Variants in PDGFD observed in about 807,000 individuals in gnomAD.
PDGFD encodes platelet-derived growth factor D.
Under a neutral mutation model 44.7 loss-of-function variants are expected in PDGFD, and 30 were observed. The observed-to-expected ratio is 0.67, with a 90% confidence interval of 0.50 to 0.91. PDGFD has a LOEUF of 0.91. Among genes scored for constraint, PDGFD ranks in the 40% least tolerant of loss-of-function variants. PDGFD has a pLI of 0.00. For synonymous variants in PDGFD, 173 were observed against 168.4 expected (o/e 1.03, Z -0.21); for missense variants, 445 against 457.8 (o/e 0.97, Z 0.25).
rs971821478 is a variant in PDGFD, at chr11:104,133,302, A to G, written c.124+30502T>C. Among the ~76,000 whole-genome samples the G allele has an allele frequency of 2.6e-5, 4 of 152,312 alleles. No homozygotes were observed. In the South Asian group the frequency reaches 8.3e-4, roughly 32 times the overall value. ...CACAAATAACAAATTTAAAATTAGG[A>G]ACAATTTTCATCAAGAAGAGTTTGG... On this transcript the variant is annotated intron_variant, in intron 1 of 6. Transcript: ENST00000393158.
chr11:104,063,308 G>A (rs572091234), intron 1 of PDGFD, among the ~76,000 whole-genome samples: 5 of 151,210 alleles, frequency 3.3e-5, no homozygotes, highest in African/African-American at 1.2e-4. Context: ...TGTTTTAGAC[G>A]TGTGTGTGTG....
At chr11:103,971,819 ACTACATC>A (rs1859106921) in intron 3 of PDGFD, among the ~76,000 whole-genome samples, 2 of 152,200 alleles carry the variant, frequency 1.3e-5, no homozygotes, top group African/African-American at 4.8e-5. Flanking sequence ...TGTAACATTG[ACTACATC>A]CTCAGGTACT....
intron 5 of PDGFD, among the ~76,000 whole-genome samples, chr11:103,935,115 AC>A (rs1456263928): frequency 5.9e-5 from 9 of 152,178 alleles, no homozygotes; most frequent in African/African-American, 2.2e-4. Context: ...GCTAAAAGTT[AC>A]CTATGGCTTT....
chr11:104,018,992 C>T (rs1228932069), intron 1 of PDGFD, among the ~76,000 whole-genome samples: 1 of 152,152 alleles, frequency 6.6e-6, no homozygotes, highest in Non-Finnish European at 1.5e-5. Context: ...TTGGGACCTC[C>T]TTAGAATGCA....
rs567492462 is a variant in PDGFD at position 103,943,028 on chromosome 11, TG to T, written c.772+423del. ...CGGGACCAAACCCTTCTTAGTCTGA[TG>T]CAAAAAAAACACAGTTTGGGCAAAA... is the stretch of plus-strand genomic sequence containing the variant. On this transcript the variant is annotated intron_variant, in intron 5 of 6. Coordinates refer to ENST00000393158, the MANE Select transcript of PDGFD (RefSeq NM_025208.5). Among the ~76,000 whole-genome samples the T allele has an allele frequency of 1.7e-4, 26 of 152,170 alleles. 1 individual carries two copies. Among genetic ancestry groups the T allele is most frequent in the Middle Eastern group, 3.4e-3 (1 of 294 alleles).
At chr11:104,119,634 A>G (rs1390000318) in intron 1 of PDGFD, among the ~76,000 whole-genome samples, 1 of 54,586 alleles carries the variant, frequency 1.8e-5, no homozygotes, top group East Asian at 4.6e-4. Context: ...TTATATTAAT[A>G]TATAATATAT....
intron 4 of PDGFD, 46 bp downstream of exon 4, chr11:103,947,616 G>C (rs11226083): frequency 0.1 from 153,475 of 1,492,508 alleles, 10,361 homozygotes; most frequent in African/African-American, 0.31. Context: ...GACCTTAGCT[G>C]TTCCATCCGT....
chr11:104,137,126 C>G (rs1014016323), intron 1 of PDGFD, among the ~76,000 whole-genome samples: 11 of 152,100 alleles, frequency 7.2e-5, no homozygotes, highest in Admixed American at 7.2e-4. Context: ...TTTGTGATAC[C>G]ACATGGCCTG....
At chr11:104,111,229 T>C (rs1304463509) in intron 1 of PDGFD, among the ~76,000 whole-genome samples, 1 of 151,730 alleles carries the variant, frequency 6.6e-6, no homozygotes, top group Non-Finnish European at 1.5e-5. Flanking sequence ...GGAACAAATC[T>C]ATCTTATATG....
intron 1 of PDGFD, among the ~76,000 whole-genome samples, chr11:104,161,527 T>C (rs1043040431): frequency 2.0e-5 from 3 of 152,254 alleles, no homozygotes; most frequent in African/African-American, 7.2e-5. Flanking sequence ...TCTATGCCAA[T>C]GTTTCTCAAC....
chr11:104,103,032 ACAAACCTG>A lies in PDGFD; in HGVS notation c.124+60764_124+60771del, dbSNP rs372436422. On this transcript the variant is annotated intron_variant, in intron 1 of 6. Transcript: ENST00000393158. ...AACAAGGCACATGTATACATATGTA[ACAAACCTG>A]CACGTTGTGCACATGTACCCTACAC... 2.2e-4 allele frequency among the ~76,000 whole-genome samples: 34 copies of A among 152,278 alleles called. No homozygotes were observed. The East Asian group carries it at 3.7e-3, about 16-fold the overall frequency.
In PDGFD at chr11:104,157,914, T is replaced by G. The variant is rs145097777; in HGVS notation, c.124+5890A>C. ...AAACAACATGCTCTACAGGATAAAT[T>G]TATACAATCTTTATTTGTCAGTTAA... On this transcript the variant is annotated intron_variant, in intron 1 of 6. Transcript: ENST00000393158. Among the ~76,000 whole-genome samples, 20 of 145,650 alleles carry G rather than the reference T, an allele frequency of 1.4e-4. No homozygotes were observed. The East Asian group carries it at 4.0e-3, about 29-fold the overall frequency.
At chr11:104,102,840 A>C (rs899602088) in intron 1 of PDGFD, among the ~76,000 whole-genome samples, 4 of 152,110 alleles carry the variant, frequency 2.6e-5, no homozygotes, top group Non-Finnish European at 5.9e-5. Flanking sequence ...AAAAAACCAA[A>C]CACCGCGTGT....
intron 5 of PDGFD, among the ~76,000 whole-genome samples, chr11:103,931,636 G>T (rs867844922): frequency 1.3e-5 from 2 of 152,010 alleles, no homozygotes; most frequent in Non-Finnish European, 1.5e-5. Context: ...GCCCAGGCTG[G>T]AGTGCAGTGG....
At chr11:104,086,690 AAT>A (rs779989511) in intron 1 of PDGFD, among the ~76,000 whole-genome samples, 4 of 152,236 alleles carry the variant, frequency 2.6e-5, no homozygotes, top group Admixed American at 6.5e-5. Flanking sequence ...ACATTGTCAC[AAT>A]ACTTTTTTCC....
At chr11:104,151,890 T>C (rs1022932920) in intron 1 of PDGFD, among the ~76,000 whole-genome samples, 1 of 152,178 alleles carries the variant, frequency 6.6e-6, no homozygotes, top group South Asian at 2.1e-4. Context: ...TTTGTGGCTA[T>C]AGTTTGATCA....
intron 1 of PDGFD, among the ~76,000 whole-genome samples, chr11:104,108,387 A>G (rs12224740): frequency 0.1 from 15,671 of 152,158 alleles, 962 homozygotes; most frequent in East Asian, 0.32. Flanking sequence ...AAAAGTGGGC[A>G]AAGGATATGA....
chr11:104,151,386 AT>A (rs1273650302), intron 1 of PDGFD, among the ~76,000 whole-genome samples: 2 of 152,214 alleles, frequency 1.3e-5, no homozygotes, highest in Non-Finnish European at 2.9e-5. Flanking sequence ...ATTTCAACAT[AT>A]TTTAAGTATA....
At chr11:104,128,286 T>C (rs749267539) in intron 1 of PDGFD, among the ~76,000 whole-genome samples, 1 of 152,052 alleles carries the variant, frequency 6.6e-6, no homozygotes, top group Non-Finnish European at 1.5e-5. Flanking sequence ...AAATGAAAGA[T>C]TAAAAGCTGG....
Sources: gnomAD v4.1 joint callset for allele counts (sites outside exome capture counted in the v4.1 genomes callset) on GRCh38, gnomAD v4.1.1 for gene constraint, MANE v1.5 for transcripts, NCBI Gene and HGNC (gene_info 2026-07-23, HGNC 2026-07-21) for gene names.